ZCCHC7: variants seen among roughly 807,000 people sequenced by gnomAD.
The protein encoded by ZCCHC7 is zinc finger CCHC domain-containing protein 7.
A neutral mutation model predicts 52.0 loss-of-function variants in ZCCHC7; 35 were observed. The ratio of observed to expected loss-of-function variants is 0.67; its 90% confidence interval spans 0.51 to 0.89. The LOEUF (loss-of-function observed/expected upper bound fraction) is 0.89. Among genes scored for constraint, ZCCHC7 ranks in the 40% least tolerant of loss-of-function variants. The pLI is 0.00. For synonymous variants in ZCCHC7, 217 were observed against 221.5 expected (o/e 0.98, Z 0.18); for missense variants, 574 against 649.1 (o/e 0.88, Z 1.26).
At chr9:37,295,249 C>A (rs1828731930) in intron 2 of ZCCHC7, among the ~76,000 whole-genome samples, 1 of 151,984 alleles carries the variant, frequency 6.6e-6, no homozygotes, top group Non-Finnish European at 1.5e-5. Context: ...CTGCAGAGAA[C>A]AACAGGAAAC....
At chr9:37,307,047 A>G (rs1391126224) in intron 5 of ZCCHC7, among the ~76,000 whole-genome samples, 2 of 149,272 alleles carry the variant, frequency 1.3e-5, no homozygotes, top group African/African-American at 5.1e-5. Flanking sequence ...CAGCCTCCCA[A>G]AGTGCTAGGA....
intron 1 of ZCCHC7, chr9:37,121,523 T>C (rs1446646469): frequency 1.3e-5 from 2 of 152,208 alleles, no homozygotes; most frequent in Non-Finnish European, 2.9e-5. Flanking sequence ...TGACTTCGTG[T>C]TTGAATAGTT....
intron 2 of ZCCHC7, among the ~76,000 whole-genome samples, chr9:37,176,691 G>A (rs140882078): frequency 2.2e-4 from 33 of 152,102 alleles, no homozygotes; most frequent in Admixed American, 7.8e-4. Flanking sequence ...CTAAATGTCA[G>A]TGAGTGCCCT....
At chr9:37,194,840 T>G (rs1352001487) in intron 2 of ZCCHC7, among the ~76,000 whole-genome samples, 1 of 152,178 alleles carries the variant, frequency 6.6e-6, no homozygotes, top group Admixed American at 6.5e-5. Flanking sequence ...TATATACAAA[T>G]TCTCTATCCA....
At chr9:37,216,119 C>T (rs1458978119) in intron 2 of ZCCHC7, among the ~76,000 whole-genome samples, 2 of 152,138 alleles carry the variant, frequency 1.3e-5, no homozygotes, top group African/African-American at 4.8e-5. Context: ...TCCTAAACTC[C>T]TGTCTTTTGC....
chr9:37,315,439 AT>A (rs1482582364), intron 5 of ZCCHC7, among the ~76,000 whole-genome samples: 1 of 94,904 alleles, frequency 1.1e-5, no homozygotes, highest in Non-Finnish European at 2.2e-5. Context: ...GATAAAAAAA[AT>A]CATAAGCAAT....
intron 2 of ZCCHC7, among the ~76,000 whole-genome samples, chr9:37,134,071 G>T (rs1477387353): frequency 6.6e-6 from 1 of 152,020 alleles, no homozygotes; most frequent in African/African-American, 2.4e-5. Context: ...TATTACCATA[G>T]GTAAACAAAT....
intron 2 of ZCCHC7, among the ~76,000 whole-genome samples, chr9:37,193,892 A>G (rs566815896): frequency 5.9e-5 from 9 of 152,250 alleles, no homozygotes; most frequent in African/African-American, 2.2e-4. Flanking sequence ...TCCTCCATGA[A>G]GCTTGTCCTG....
intron 2 of ZCCHC7, among the ~76,000 whole-genome samples, chr9:37,214,983 C>T (rs1189035601): frequency 6.6e-6 from 1 of 152,068 alleles, no homozygotes; most frequent in African/African-American, 2.4e-5. Context: ...GATTAAAGCT[C>T]ACCCTATGTT....
chr9:37,290,271 A>G (rs1474031924), intron 2 of ZCCHC7, among the ~76,000 whole-genome samples: 1 of 152,164 alleles, frequency 6.6e-6, no homozygotes, highest in Non-Finnish European at 1.5e-5. Context: ...AATAATTGTA[A>G]TGTTTAGTTT....
At chr9:37,238,372 G>A (rs1825742686) in intron 2 of ZCCHC7, among the ~76,000 whole-genome samples, 1 of 152,050 alleles carries the variant, frequency 6.6e-6, no homozygotes, top group Non-Finnish European at 1.5e-5. Context: ...TTTTTGGACA[G>A]TACACCTGCT....
intron 2 of ZCCHC7, among the ~76,000 whole-genome samples, chr9:37,212,110 A>T (rs889676949): frequency 6.9e-6 from 1 of 145,234 alleles, no homozygotes; most frequent in Middle Eastern, 3.8e-3. Flanking sequence ...ACCTCCCAGG[A>T]TCATTTTGAT....
chr9:37,200,103 C>T (rs1479278298), intron 2 of ZCCHC7, among the ~76,000 whole-genome samples: 2 of 152,164 alleles, frequency 1.3e-5, no homozygotes, highest in Non-Finnish European at 2.9e-5. Flanking sequence ...GATTGGGTTA[C>T]ACGTTCTTTT....
chr9:37,248,020 A>G (rs921599943), intron 2 of ZCCHC7, among the ~76,000 whole-genome samples: 18 of 152,052 alleles, frequency 1.2e-4, no homozygotes, highest in African/African-American at 3.9e-4. Context: ...AGTATTGCCT[A>G]TTTATTCCTA....
intron 2 of ZCCHC7, among the ~76,000 whole-genome samples, chr9:37,156,843 A>G (rs1029384921): frequency 4.6e-5 from 7 of 152,066 alleles, no homozygotes; most frequent in Non-Finnish European, 1.0e-4. Context: ...CTTGTTACCA[A>G]TGTTCTTATG....
At chr9:37,198,961 C>G (rs1823440641) in intron 2 of ZCCHC7, among the ~76,000 whole-genome samples, 2 of 152,152 alleles carry the variant, frequency 1.3e-5, no homozygotes, top group Non-Finnish European at 2.9e-5. Context: ...CTAATGTGTG[C>G]TAAAGTAGTC....
At chr9:37,348,705 C>T (rs1053747457) in intron 6 of ZCCHC7, among the ~76,000 whole-genome samples, 2 of 152,114 alleles carry the variant, frequency 1.3e-5, no homozygotes, top group African/African-American at 4.8e-5. Context: ...AACTTCGACA[C>T]TTAAAACTGG....
At chr9:37,347,820 A>G (rs577152403) in intron 6 of ZCCHC7, among the ~76,000 whole-genome samples, 2 of 152,340 alleles carry the variant, frequency 1.3e-5, no homozygotes, top group East Asian at 3.9e-4. Context: ...TGCCACTTCA[A>G]GTGGATGTTT....
chr9:37,138,687 C>T (rs1042617354), intron 2 of ZCCHC7, among the ~76,000 whole-genome samples: 9 of 149,576 alleles, frequency 6.0e-5, no homozygotes, highest in African/African-American at 2.2e-4. Flanking sequence ...CTCACCTTAT[C>T]TACAGGTTTG....
Sources: allele counts gnomAD v4.1 joint callset (sites outside exome capture counted in the v4.1 genomes callset), GRCh38; gene constraint gnomAD v4.1.1; transcripts MANE v1.5; gene names NCBI Gene and HGNC (gene_info 2026-07-23, HGNC 2026-07-21).